Variants in HCN1 observed in about 807,000 individuals in gnomAD.
HCN1 encodes the protein potassium/sodium hyperpolarization-activated cyclic nucleotide-gated channel 1.
In HCN1, 13 loss-of-function variants were observed where a neutral mutation model predicts 78.9. The ratio of observed to expected loss-of-function variants is 0.16; its 90% confidence interval spans 0.11 to 0.26. HCN1 has a LOEUF of 0.26. Ranked by LOEUF, HCN1 falls within the 10% of genes least tolerant of loss-of-function variation. HCN1 has a pLI of 1.00. For missense variants in HCN1, 810 were observed against 1,154.3 expected, an observed-to-expected ratio of 0.70 and a Z score of 4.32; for synonymous variants, 552 against 455.5, an observed-to-expected ratio of 1.21 and a Z score of -2.70.
intron 4 of HCN1, among the ~76,000 whole-genome samples, chr5:45,373,328 CATATATTTA>C (rs1303107710): frequency 2.9e-5 from 3 of 102,514 alleles, no homozygotes; most frequent in African/African-American, 1.2e-4. Context: ...ATATATATTT[CATATATTTA>C]ATATATAAAA....
intron 2 of HCN1, among the ~76,000 whole-genome samples, chr5:45,546,482 C>G (rs1409217761): frequency 1.3e-5 from 2 of 151,850 alleles, no homozygotes; most frequent in African/African-American, 2.4e-5. Context: ...AAGTGACTTT[C>G]CGGACACAGC....
At chr5:45,473,360 T>TA (rs1251935479) in intron 2 of HCN1, among the ~76,000 whole-genome samples, 2 of 151,930 alleles carry the variant, frequency 1.3e-5, no homozygotes, top group African/African-American at 2.4e-5. Flanking sequence ...TGCAGCTAGT[T>TA]AAAAAACTTA....
intron 5 of HCN1, among the ~76,000 whole-genome samples, chr5:45,306,130 T>A (rs1745729658): frequency 6.6e-6 from 1 of 152,042 alleles, no homozygotes; most frequent in African/African-American, 2.4e-5. Flanking sequence ...GATTGAGAGT[T>A]AATTATTTCA....
chr5:45,678,573 G>T (rs546513359), intron 1 of HCN1, among the ~76,000 whole-genome samples: 17 of 151,840 alleles, frequency 1.1e-4, no homozygotes, highest in Non-Finnish European at 2.2e-4. Context: ...GCCTCCCAAT[G>T]ACTTCATCGT....
chr5:45,551,964 A>T (rs1189293468), intron 2 of HCN1, among the ~76,000 whole-genome samples: 1 of 152,010 alleles, frequency 6.6e-6, no homozygotes, highest in Non-Finnish European at 1.5e-5. Flanking sequence ...TATCCAAGCC[A>T]CAGGATAAAT....
At chr5:45,658,893 G>A (rs1281377772) in intron 1 of HCN1, among the ~76,000 whole-genome samples, 1 of 147,852 alleles carries the variant, frequency 6.8e-6, no homozygotes, top group Non-Finnish European at 1.5e-5. Flanking sequence ...GCCCGCCATT[G>A]CCCAGGCTTG....
intron 2 of HCN1, among the ~76,000 whole-genome samples, chr5:45,530,449 A>T (rs188594094): frequency 0.019 from 2,809 of 148,232 alleles, 63 homozygotes; most frequent in African/African-American, 0.05. Context: ...TTTTTTTTTT[A>T]AAATAAAGGG....
At chr5:45,265,408 C>T (rs6451792) in intron 7 of HCN1, among the ~76,000 whole-genome samples, 148,815 of 152,302 alleles carry the variant, frequency 0.98, 72,796 homozygotes, top group East Asian at 1. Context: ...GTAAGGATGC[C>T]TTCAGGAGTG....
intron 4 of HCN1, among the ~76,000 whole-genome samples, chr5:45,372,982 AAAAT>A (rs1747454305): frequency 7.1e-6 from 1 of 140,486 alleles, no homozygotes; most frequent in African/African-American, 2.5e-5. Context: ...AAATAAATAA[AAAAT>A]AATATATAAA....
In HCN1 at chr5:45,695,833, G is replaced by C. The variant is rs199612501; in HGVS notation, c.261C>G (p.Pro87=). The C allele has an allele frequency of 2.0e-4, 313 of 1,604,048 alleles. 1 individual carries two copies. The South Asian group carries it at 3.1e-3, about 16-fold the overall frequency. Residue 87 remains proline (P), a synonymous_variant, in exon 1 of 8, where the codon CCC becomes CCG. Transcript: ENST00000303230. ...TCTGCATGAAGCCGTACTGCCGCCG[G>C]GGCCCCTCGGCGTCTTCGAAGCCCC... ...PAGGFEDAEG[P]RRQYGFMQRQ... is the part of the protein sequence containing the mutation.
At chr5:45,604,254 T>C (rs187231088) in intron 2 of HCN1, among the ~76,000 whole-genome samples, 1 of 152,190 alleles carries the variant, frequency 6.6e-6, no homozygotes, top group East Asian at 1.9e-4. Flanking sequence ...TTTATAGATG[T>C]GGCTACCCAG....
intron 4 of HCN1, among the ~76,000 whole-genome samples, chr5:45,381,536 C>T (rs115894233): frequency 3.2e-4 from 49 of 152,238 alleles, no homozygotes; most frequent in African/African-American, 9.1e-4. Context: ...GACAATCCCT[C>T]GTCCCTTACT....
At chr5:45,526,810 A>T (rs1371704854) in intron 2 of HCN1, among the ~76,000 whole-genome samples, 1 of 151,904 alleles carries the variant, frequency 6.6e-6, no homozygotes, top group Non-Finnish European at 1.5e-5. Context: ...TCCTTGCTTT[A>T]GGTTCTGGTC....
intron 6 of HCN1, among the ~76,000 whole-genome samples, chr5:45,283,270 A>T (rs1399652308): frequency 6.6e-6 from 1 of 152,192 alleles, no homozygotes. Flanking sequence ...AAGCAATTAC[A>T]ACAAAAGCAA....
intron 6 of HCN1, among the ~76,000 whole-genome samples, chr5:45,280,018 A>G (rs1745128222): frequency 6.6e-6 from 1 of 152,134 alleles, no homozygotes; most frequent in Non-Finnish European, 1.5e-5. Flanking sequence ...GCTTTGAAAC[A>G]TGAAAGATAT....
intron 2 of HCN1, among the ~76,000 whole-genome samples, chr5:45,538,115 C>G (rs1167312728): frequency 6.6e-6 from 1 of 151,748 alleles, no homozygotes; most frequent in African/African-American, 2.4e-5. Context: ...TAACTGATTT[C>G]TAAAGTATTC....
intron 5 of HCN1, among the ~76,000 whole-genome samples, chr5:45,325,405 A>T (rs1346973585): frequency 2.0e-5 from 3 of 151,758 alleles, no homozygotes; most frequent in African/African-American, 7.2e-5. Flanking sequence ...CTACATATGT[A>T]TATATTCAAT....
At chr5:45,442,465 A>G (rs1169416768) in intron 3 of HCN1, among the ~76,000 whole-genome samples, 1 of 151,740 alleles carries the variant, frequency 6.6e-6, no homozygotes, top group Non-Finnish European at 1.5e-5. Context: ...TTTGGAACAC[A>G]TTGTTTTTTA....
intron 2 of HCN1, among the ~76,000 whole-genome samples, chr5:45,620,740 GTTCA>G (rs1303695784): frequency 6.6e-6 from 1 of 152,028 alleles, no homozygotes. Context: ...AAAATCATTA[GTTCA>G]TTCAAACTTC....
Sources: gnomAD v4.1 joint callset for allele counts (sites outside exome capture counted in the v4.1 genomes callset) on GRCh38, gnomAD v4.1.1 for gene constraint, MANE v1.5 for transcripts, NCBI Gene and HGNC (gene_info 2026-07-23, HGNC 2026-07-21) for gene names.